Variants in DCC observed in about 807,000 individuals in gnomAD.
DCC encodes the protein netrin receptor DCC.
In DCC, 58 loss-of-function variants were observed where a neutral mutation model predicts 172.5. That is an observed-to-expected ratio of 0.34 (90% confidence interval 0.27 to 0.42). DCC has a LOEUF of 0.42. DCC is among the 10% of genes least tolerant of loss of function. The probability of loss-of-function intolerance (pLI) is 1.00; values close to 1 mark genes in which losing one functional copy is unlikely to be tolerated. For synonymous variants in DCC, 709 were observed against 644.5 expected (o/e 1.10, Z -1.52); for missense variants, 1,740 against 1,791.0 (o/e 0.97, Z 0.51).
intron 7 of DCC, among the ~76,000 whole-genome samples, chr18:53,074,460 A>G (rs985009088): frequency 3.9e-5 from 6 of 152,204 alleles, no homozygotes; most frequent in Non-Finnish European, 7.4e-5. Context: ...GTTTTCCTTT[A>G]TAAGCCTTGG....
Position 52,582,549 on chromosome 18 carries a change from G to A in DCC, c.92-169505G>A, listed in dbSNP as rs377452644. Among the ~76,000 whole-genome samples, 285 of 152,216 alleles carry A rather than the reference G, an allele frequency of 1.9e-3. 1 individual carries two copies. Among genetic ancestry groups the A allele is most frequent in the African/African-American group, 6.7e-3 (277 of 41,524 alleles). ...AAGTGACAATGCCATTGAAGTTTTG[G>A]TCACCAGCTCTAAAGCTTCAAATCA... is the stretch of plus-strand genomic sequence containing the variant. On this transcript the variant is annotated intron_variant, in intron 1 of 28. Coordinates refer to ENST00000442544, the MANE Select transcript of DCC (RefSeq NM_005215.4).
At chr18:52,600,273 C>T (rs1598945952) in intron 1 of DCC, among the ~76,000 whole-genome samples, 1 of 152,108 alleles carries the variant, frequency 6.6e-6, no homozygotes, top group Admixed American at 6.5e-5. Flanking sequence ...CCAGGTTTTC[C>T]TCACAATTCC....
At chr18:53,046,510 T>C (rs569985041) in intron 5 of DCC, among the ~76,000 whole-genome samples, 1 of 151,994 alleles carries the variant, frequency 6.6e-6, no homozygotes, top group East Asian at 1.9e-4. Flanking sequence ...AATTTACTTT[T>C]TTTAGCAGCA....
chr18:52,999,568 T>C (rs928371319), intron 5 of DCC, among the ~76,000 whole-genome samples: 1 of 151,994 alleles, frequency 6.6e-6, no homozygotes, highest in Admixed American at 6.6e-5. Context: ...TCTGACAAAA[T>C]CTGTTGCTAC....
At chr18:53,524,898 C>A (rs987036127) in intron 27 of DCC, among the ~76,000 whole-genome samples, 4 of 151,864 alleles carry the variant, frequency 2.6e-5, no homozygotes, top group African/African-American at 9.7e-5. Context: ...TATTTTGGCA[C>A]CCCCATGTGT....
At chr18:53,425,073 A>C (rs1435071432) in intron 21 of DCC, among the ~76,000 whole-genome samples, 3 of 151,482 alleles carry the variant, frequency 2.0e-5, no homozygotes, top group Non-Finnish European at 2.9e-5. Flanking sequence ...ATGGGGCCTC[A>C]GTAGCAGTCA....
intron 13 of DCC, among the ~76,000 whole-genome samples, chr18:53,307,640 AAAG>A (rs1288441114): frequency 1.3e-5 from 2 of 151,858 alleles, no homozygotes; most frequent in Non-Finnish European, 2.9e-5. Context: ...TTCCAATAAA[AAAG>A]CTAATGATTG....
intron 1 of DCC, among the ~76,000 whole-genome samples, chr18:52,578,901 A>C (rs928550971): frequency 6.6e-6 from 1 of 152,162 alleles, no homozygotes. Flanking sequence ...GAATGGCTTG[A>C]ACCCAGGAGG....
intron 13 of DCC, among the ~76,000 whole-genome samples, chr18:53,320,758 C>G (rs928083856): frequency 2.0e-5 from 3 of 152,116 alleles, no homozygotes; most frequent in South Asian, 2.1e-4. Flanking sequence ...GTGTGTGCAT[C>G]TTCCCTGCTT....
intron 1 of DCC, among the ~76,000 whole-genome samples, chr18:52,672,376 C>A (rs1047041015): frequency 1.1e-4 from 17 of 152,124 alleles, no homozygotes; most frequent in Non-Finnish European, 2.4e-4. Flanking sequence ...CTATCTGAAT[C>A]TTTCCACTAG....
chr18:52,633,216 T>C (rs376991163), intron 1 of DCC, among the ~76,000 whole-genome samples: 1 of 152,144 alleles, frequency 6.6e-6, no homozygotes, highest in Non-Finnish European at 1.5e-5. Flanking sequence ...CTTATCTTAT[T>C]TGGGGCTCAT....
intron 27 of DCC, among the ~76,000 whole-genome samples, chr18:53,501,558 GA>G (rs2046098868): frequency 6.6e-6 from 1 of 152,112 alleles, no homozygotes; most frequent in African/African-American, 2.4e-5. Flanking sequence ...TTTTAATGAG[GA>G]AAGGTAAGAA....
At chr18:52,942,132 A>G (rs931967072) in intron 5 of DCC, among the ~76,000 whole-genome samples, 1 of 152,256 alleles carries the variant, frequency 6.6e-6, no homozygotes, top group Non-Finnish European at 1.5e-5. Flanking sequence ...TTTGCCACTA[A>G]TTATGTAGAC....
intron 21 of DCC, among the ~76,000 whole-genome samples, chr18:53,431,609 A>G (rs1422774927): frequency 1.3e-5 from 2 of 151,860 alleles, no homozygotes; most frequent in East Asian, 3.9e-4. Flanking sequence ...CTCCACCTCC[A>G]GAGTAGCTGG....
chr18:52,826,744 G>T (rs764713568), intron 2 of DCC, among the ~76,000 whole-genome samples: 18 of 152,122 alleles, frequency 1.2e-4, no homozygotes, highest in South Asian at 2.1e-4. Context: ...CTCCCAAAGT[G>T]CTGGGATTAC....
chr18:53,507,979 T>C (rs931698695), intron 27 of DCC, among the ~76,000 whole-genome samples: 3 of 143,982 alleles, frequency 2.1e-5, no homozygotes, highest in Non-Finnish European at 3.0e-5. Flanking sequence ...CTGCAAGCTC[T>C]GCCTCCGGGG....
chr18:53,399,274 T>C (rs1415452436), intron 18 of DCC, among the ~76,000 whole-genome samples: 1 of 152,142 alleles, frequency 6.6e-6, no homozygotes, highest in Non-Finnish European at 1.5e-5. Context: ...CCACCTTTTT[T>C]ATTTCCTTGT....
intron 16 of DCC, among the ~76,000 whole-genome samples, chr18:53,387,228 C>T (rs1908228455): frequency 6.6e-6 from 1 of 152,198 alleles, no homozygotes; most frequent in Non-Finnish European, 1.5e-5. Flanking sequence ...GCCAAATGTA[C>T]AAGCTTCATT....
intron 13 of DCC, among the ~76,000 whole-genome samples, chr18:53,312,316 G>C (rs1316910164): frequency 7.8e-6 from 1 of 127,812 alleles, no homozygotes; most frequent in Non-Finnish European, 1.6e-5. Flanking sequence ...CCTCCAGCCT[G>C]GGCGACAGAG....
Sources: allele counts gnomAD v4.1 joint callset (sites outside exome capture counted in the v4.1 genomes callset), GRCh38; gene constraint gnomAD v4.1.1; transcripts MANE v1.5; gene names NCBI Gene and HGNC (gene_info 2026-07-23, HGNC 2026-07-21).